REV3L: variants seen among roughly 807,000 people sequenced by gnomAD.
REV3L encodes DNA polymerase zeta catalytic subunit.
In REV3L, 69 loss-of-function variants were observed where a neutral mutation model predicts 299.4. The ratio of observed to expected loss-of-function variants is 0.23; its 90% CI spans 0.19 to 0.28. The LOEUF is 0.28. REV3L is among the 10% of genes least tolerant of loss of function. The pLI is 1.00. For missense variants in REV3L, 3,128 were observed against 3,693.8 expected, an observed-to-expected ratio of 0.85 and a Z score of 3.97; for synonymous variants, 1,238 against 1,271.4, an observed-to-expected ratio of 0.97 and a Z score of 0.56.
intron 1 of REV3L, among the ~76,000 whole-genome samples, chr6:111,422,702 T>A (rs1785713813): frequency 8.1e-5 from 10 of 122,752 alleles, no homozygotes; most frequent in East Asian, 2.4e-4. Context: ...ATATATATAT[T>A]TCCCCCCACT....
chr6:111,379,390 G>A (rs1780608034), intron 11 of REV3L, among the ~76,000 whole-genome samples: 1 of 152,094 alleles, frequency 6.6e-6, no homozygotes, highest in Admixed American at 6.6e-5. Context: ...AGTCTTTCAG[G>A]CTCATAGGCC....
rs566420357 is a variant in REV3L at position 111,345,224 on chromosome 6, T to C, written c.7420-1181A>G. Among the ~76,000 whole-genome samples the C allele has an allele frequency of 2.6e-5, 4 of 152,118 alleles. No homozygotes were observed. In the East Asian group the frequency reaches 7.7e-4, roughly 29 times the overall value. On this transcript the variant is annotated intron_variant, in intron 20 of 31. Coordinates refer to ENST00000368802, the MANE Select transcript of REV3L (RefSeq NM_001372078.1). ...ATATGGAAATGTCTCAGCATGCAGA[T>C]AAAGAGGATGAAAACATGAAAATGA... is the stretch of plus-strand genomic sequence containing the variant.
intron 20 of REV3L, among the ~76,000 whole-genome samples, chr6:111,346,934 T>TA (rs1381546212): frequency 6.6e-6 from 1 of 152,168 alleles, no homozygotes; most frequent in Non-Finnish European, 1.5e-5. Context: ...TTTATACACT[T>TA]AAAGTATGTG....
At position 111,380,541 on chromosome 6, in the gene REV3L, G is replaced by A. The variant is rs568091130; in HGVS notation, c.1217-322C>T. Among the ~76,000 whole-genome samples, 12 of 152,186 alleles carry A rather than the reference G, an allele frequency of 7.9e-5. 1 individual carries two copies. The South Asian group carries it at 1.2e-3, about 16-fold the overall frequency. On this transcript the variant is annotated intron_variant, in intron 10 of 31. Transcript: ENST00000368802. ...CCCAAAGTGCTGGGATTACAGGCGT[G>A]AGCCACCACGCCCGGCCTGTTTTCT...
chr6:111,370,757 A>G (rs192770125), intron 13 of REV3L, among the ~76,000 whole-genome samples: 11 of 152,300 alleles, frequency 7.2e-5, no homozygotes, highest in African/African-American at 2.6e-4. Flanking sequence ...AGGAAGGTAC[A>G]GAAGTTTCCC....
intron 27 of REV3L, 108 bp from the exon 28 acceptor site, chr6:111,313,597 A>C (rs1773208890): frequency 1.8e-6 from 2 of 1,132,018 alleles, no homozygotes; most frequent in African/African-American, 3.2e-5. Context: ...TTATTTAAAA[A>C]ATTCTATATA....
chr6:111,435,811 A>G (rs1787480955), intron 1 of REV3L, among the ~76,000 whole-genome samples: 1 of 152,230 alleles, frequency 6.6e-6, no homozygotes, highest in Non-Finnish European at 1.5e-5. Context: ...AAAAATAGAC[A>G]AAAGGATTAC....
chr6:111,331,867 T>A, intron 23 of REV3L, 83 bp from the exon 24 acceptor site: 1 of 863,476 alleles, frequency 1.2e-6, no homozygotes, highest in Non-Finnish European at 1.9e-6. Context: ...TCTTTCTAAC[T>A]CCATTAGAAA....
chr6:111,313,586 A>G, intron 27 of REV3L, 97 bp from the exon 28 acceptor site: 3 of 1,247,966 alleles, frequency 2.4e-6, no homozygotes, highest in African/African-American at 1.5e-5. Flanking sequence ...TCAAGTATCA[A>G]TTATTTAAAA....
chr6:111,322,455 A>G lies in REV3L; in HGVS notation c.8351+114T>C, dbSNP rs192641246. On this transcript the variant is annotated intron_variant, in intron 26 of 31. Transcript: ENST00000368802. ...CTGATCATGAGATCGTAAGGACTGG[A>G]AAGGACTCAGACAGAACTCTGTTTT... The G allele has an allele frequency of 8.0e-6, 6 of 752,656 alleles. No individual in the cohort carries two copies. In the African/African-American group the frequency reaches 1.0e-4, roughly 13 times the overall value. 46.6% of individuals were successfully genotyped at this position (752,656 alleles called of 1,614,324 possible). A position where few individuals can be genotyped will look rare whatever the true frequency, so the allele number is the denominator to read the frequency against.
intron 4 of REV3L, among the ~76,000 whole-genome samples, chr6:111,394,705 A>C (rs80113773): frequency 8.1e-6 from 1 of 123,168 alleles, no homozygotes; most frequent in South Asian, 2.8e-4. Flanking sequence ...TCTGTCCTAC[A>C]ATTTTTTTTT....
rs1217043150 is a variant in REV3L, at chr6:111,368,041, A to G, written c.5760-13T>C. 6.4e-7 allele frequency: 1 copy of G among 1,555,118 alleles called. No individual in the cohort carries two copies. Among genetic ancestry groups the G allele is most frequent in the African/African-American group, 1.4e-5 (1 of 72,376 alleles). ...TCCACCAATCTCCCTATAATAACAT[A>G]TTTTAGAACAACTGTTTTGTTTCAA... On this transcript the variant is annotated splice_polypyrimidine_tract_variant and intron_variant, in intron 13 of 31. Coordinates refer to ENST00000368802, the MANE Select transcript of REV3L (RefSeq NM_001372078.1).
intron 18 of REV3L, among the ~76,000 whole-genome samples, chr6:111,352,153 C>A (rs1322072827): frequency 2.0e-5 from 3 of 151,862 alleles, no homozygotes; most frequent in Non-Finnish European, 4.4e-5. Context: ...ATTACAGGTG[C>A]CCCACACCAC....
chr6:111,474,986 T>TACACAC (rs1362668998), intron 1 of REV3L, among the ~76,000 whole-genome samples: 14 of 18,114 alleles, frequency 7.7e-4, no homozygotes, highest in African/African-American at 2.3e-3. Flanking sequence ...GCTGCCTATA[T>TACACAC]ATACACACAC....
intron 1 of REV3L, among the ~76,000 whole-genome samples, chr6:111,447,313 A>C (rs1241291529): frequency 3.9e-5 from 6 of 152,202 alleles, no homozygotes; most frequent in Non-Finnish European, 8.8e-5. Flanking sequence ...TCCAACTTTC[A>C]AATGCTTGCT....
intron 21 of REV3L, among the ~76,000 whole-genome samples, chr6:111,342,396 C>T (rs996959266): frequency 5.9e-5 from 9 of 152,054 alleles, no homozygotes; most frequent in Non-Finnish European, 1.2e-4. Context: ...AGGCCGGGCA[C>T]GGTGGCTCAT....
intron 5 of REV3L, among the ~76,000 whole-genome samples, chr6:111,391,153 C>A (rs1435646450): frequency 6.6e-6 from 1 of 151,748 alleles, no homozygotes; most frequent in East Asian, 1.9e-4. Context: ...TCAACCTCCA[C>A]CTCCCAGGTT....
chr6:111,335,474 A>C lies in REV3L; in HGVS notation c.7675T>G (p.Ser2559Ala). 1 of 1,610,732 alleles carries C rather than the reference A, an allele frequency of 6.2e-7. No individual in the cohort carries two copies. Among genetic ancestry groups the C allele is most frequent in the East Asian group, 2.2e-5 (1 of 44,636 alleles). The change falls in exon 22 of 32, where the codon TCA becomes GCA. Residue 2559 changes from serine to alanine, a missense_variant. Around this residue, in one of 9 missense-constraint regions of REV3L, gnomAD observed 149 missense variants for 286.4 expected, o/e 0.52. Coordinates refer to ENST00000368802, the MANE Select transcript of REV3L (RefSeq NM_001372078.1). ...CAAGAAAACTGATTTCCCACCTGTG[A>C]ACCCCTTGTCAGTACATGTAAAAAC... ...IQFLHVLTRGSQYRVESMMLR... is the reference protein window; with the variant it reads ...IQFLHVLTRGAQYRVESMMLR...
rs1359223859 is a variant in REV3L at position 111,416,400 on chromosome 6, T to C, written c.212A>G (p.Gln71Arg). 6.2e-7 allele frequency: 1 copy of C among 1,613,826 alleles called. No individual in the cohort carries two copies. The highest frequency in any genetic ancestry group is 1.7e-5 in the Admixed American group (1 of 60,016). Residue 71 changes from glutamine (Q) to arginine (R), a missense_variant, in exon 2 of 32, where the codon CAG becomes CGG. Physicochemically the swap from Gln to Arg is conservative, Grantham distance 43. Transcript: ENST00000368802. The stretch of plus-strand genomic sequence containing the variant: ...CATCTGAGAAAGATAGCTTTCTGGC[T>C]GCTGTCCATAACCATCGTATGGCAC... ...LYVPYDGYGQ[Q>R]PESYLSQMAF...
Sources: gnomAD v4.1 joint callset for allele counts (sites outside exome capture counted in the v4.1 genomes callset) on GRCh38, gnomAD v4.1.1 for gene constraint, gnomAD v4.1.1 regional missense constraint, MANE v1.5 for transcripts, NCBI Gene and HGNC (gene_info 2026-07-23, HGNC 2026-07-21) for gene names.